Variants in STON2 observed in about 807,000 individuals in gnomAD.
STON2 encodes the protein stonin-2.
Under a neutral mutation model 65.7 loss-of-function variants are expected in STON2, and 29 were observed. The observed-to-expected ratio is 0.44, with a 90% CI of 0.33 to 0.60. The LOEUF is 0.60. STON2 is among the 20% of genes least tolerant of loss of function. STON2 has a pLI of 0.03. For missense variants in STON2, 1,054 were observed against 1,118.1 expected (o/e 0.94, Z 0.82); for synonymous variants, 404 against 414.2 (o/e 0.98, Z 0.30).
intron 4 of STON2, among the ~76,000 whole-genome samples, chr14:81,356,329 G>A (rs1466003753): frequency 6.6e-5 from 10 of 152,168 alleles, no homozygotes; most frequent in African/African-American, 2.4e-4. Flanking sequence ...TGCGTATATT[G>A]AACTAGCCTT....
chr14:81,405,784 C>T (rs568694672), intron 2 of STON2, among the ~76,000 whole-genome samples: 102 of 152,064 alleles, frequency 6.7e-4, no homozygotes, highest in Non-Finnish European at 1.2e-3. Flanking sequence ...TAATATTGAG[C>T]GTCAACTTGA....
chr14:81,434,423 T>C (rs577380203), intron 1 of STON2, among the ~76,000 whole-genome samples: 1 of 152,328 alleles, frequency 6.6e-6, no homozygotes, highest in African/African-American at 2.4e-5. Flanking sequence ...CTGAAAGGGC[T>C]GCCATGCTAA....
At chr14:81,310,673 T>C (rs1323069887) in intron 5 of STON2, among the ~76,000 whole-genome samples, 1 of 152,214 alleles carries the variant, frequency 6.6e-6, no homozygotes, top group Non-Finnish European at 1.5e-5. Flanking sequence ...TATTCAATTA[T>C]CTCTCCTATT....
chr14:81,345,371 A>G (rs992208481), intron 4 of STON2, among the ~76,000 whole-genome samples: 2 of 152,206 alleles, frequency 1.3e-5, no homozygotes, highest in African/African-American at 2.4e-5. Flanking sequence ...GGCACCACAA[A>G]GGGGAGATCA....
At chr14:81,301,827 AT>A (rs1206791709) in intron 5 of STON2, among the ~76,000 whole-genome samples, 1 of 59,172 alleles carries the variant, frequency 1.7e-5, no homozygotes, top group African/African-American at 5.7e-5. Context: ...AATAACTGTT[AT>A]TAGTCATATT....
intron 5 of STON2, among the ~76,000 whole-genome samples, chr14:81,322,577 A>G (rs1566908237): frequency 6.6e-6 from 1 of 152,118 alleles, no homozygotes; most frequent in Non-Finnish European, 1.5e-5. Context: ...TGGCATTATC[A>G]CCACAGGAAC....
chr14:81,378,284 C>T (rs1289722616), intron 3 of STON2, among the ~76,000 whole-genome samples: 1 of 152,182 alleles, frequency 6.6e-6, no homozygotes, highest in Non-Finnish European at 1.5e-5. Flanking sequence ...GATGCCATCT[C>T]AGCTCACTGT....
chr14:81,371,464 G>A (rs1898990689), intron 3 of STON2, among the ~76,000 whole-genome samples: 1 of 152,002 alleles, frequency 6.6e-6, no homozygotes, highest in Non-Finnish European at 1.5e-5. Flanking sequence ...GGGAGGCTGA[G>A]GTGGGCGGAT....
chr14:81,353,893 T>C (rs551623540), intron 4 of STON2, among the ~76,000 whole-genome samples: 9 of 152,306 alleles, frequency 5.9e-5, no homozygotes, highest in Admixed American at 2.0e-4. Flanking sequence ...GCTAACAGCA[T>C]AGCCCACGGA....
intron 3 of STON2, among the ~76,000 whole-genome samples, chr14:81,373,698 C>T (rs1012945970): frequency 5.3e-5 from 8 of 152,028 alleles, no homozygotes; most frequent in Non-Finnish European, 8.8e-5. Flanking sequence ...TAGGGCCAAC[C>T]GAAGATGGGG....
intron 2 of STON2, among the ~76,000 whole-genome samples, chr14:81,426,347 C>T (rs941213059): frequency 2.0e-5 from 3 of 152,214 alleles, no homozygotes; most frequent in Non-Finnish European, 4.4e-5. Flanking sequence ...AACTAGAAAC[C>T]TCGAGCCAGC....
At chr14:81,339,692 G>A (rs971984307) in intron 4 of STON2, among the ~76,000 whole-genome samples, 10 of 152,090 alleles carry the variant, frequency 6.6e-5, no homozygotes, top group African/African-American at 1.9e-4. Context: ...CAGACTGTAA[G>A]GCAAAGTATC....
intron 5 of STON2, among the ~76,000 whole-genome samples, chr14:81,320,651 C>A (rs898633407): frequency 6.6e-6 from 1 of 151,586 alleles, no homozygotes; most frequent in African/African-American, 2.4e-5. Context: ...GAAACTAAAG[C>A]GAAAGCAATC....
chr14:81,286,953 A>G (rs1390325262), intron 5 of STON2, among the ~76,000 whole-genome samples: 2 of 152,202 alleles, frequency 1.3e-5, no homozygotes, highest in African/African-American at 4.8e-5. Context: ...AATCTGGTGA[A>G]TTTTTCCCAT....
chr14:81,264,427 T>C lies in STON2; in HGVS notation c.*3987A>G. ...ATTCTTTCAGCAAACATTTATTGAA[T>C]ACATACTCATTTTCCTTTATTTCAT... On this transcript the variant is annotated 3_prime_UTR_variant, in exon 8 of 8. Transcript: ENST00000614646. The C allele has an allele frequency of 1.0e-6, 1 of 985,468 alleles. No homozygotes were observed. Among genetic ancestry groups the C allele is most frequent in the Non-Finnish European group, 1.2e-6 (1 of 829,934 alleles). 61.0% of individuals were successfully genotyped at this position (985,468 alleles called of 1,614,324 possible).
At chr14:81,313,403 T>C (rs1418061816) in intron 5 of STON2, among the ~76,000 whole-genome samples, 2 of 152,130 alleles carry the variant, frequency 1.3e-5, no homozygotes, top group African/African-American at 4.8e-5. Context: ...GTTTACTGCA[T>C]GACTCCTACG....
chr14:81,262,624 T>G lies in STON2; in HGVS notation c.*5790A>C. On this transcript the variant is annotated 3_prime_UTR_variant, in exon 8 of 8. Transcript: ENST00000614646. Reference sequence around the variant, plus strand: ...GTTACATCCAATGATCATTTGCCTCTCTCCAGGCACTACCAAACTCATTAC... The same window carrying G: ...GTTACATCCAATGATCATTTGCCTCGCTCCAGGCACTACCAAACTCATTAC... 3 of 985,398 alleles carry G rather than the reference T, an allele frequency of 3.0e-6. No individual in the cohort carries two copies. The highest frequency in any genetic ancestry group is 2.4e-6 in the Non-Finnish European group (2 of 829,890). 61.0% of individuals were successfully genotyped at this position (985,398 alleles called of 1,614,324 possible).
At chr14:81,384,027 T>C (rs997207991) in intron 3 of STON2, among the ~76,000 whole-genome samples, 9 of 152,104 alleles carry the variant, frequency 5.9e-5, no homozygotes, top group Non-Finnish European at 1.0e-4. Context: ...GGCTATTCAC[T>C]TGCTGTTCCT....
At chr14:81,321,947 G>C (rs992998940) in intron 5 of STON2, among the ~76,000 whole-genome samples, 1 of 152,178 alleles carries the variant, frequency 6.6e-6, no homozygotes, top group African/African-American at 2.4e-5. Flanking sequence ...TGGAGGTTAG[G>C]GGGTGGGTGT....
Sources: gnomAD v4.1 joint callset for allele counts (sites outside exome capture counted in the v4.1 genomes callset) on GRCh38, gnomAD v4.1.1 for gene constraint, MANE v1.5 for transcripts, NCBI Gene and HGNC (gene_info 2026-07-23, HGNC 2026-07-21) for gene names.